The following LARP4B variants were observed in gnomAD, a reference collection of about 807,000 sequenced individuals.
LARP4B encodes the protein la-related protein 4B.
LARP4B carries 12 observed loss-of-function variants against 89.8 expected under a neutral mutation model. The ratio of observed to expected loss-of-function variants is 0.13; its 90% CI spans 0.09 to 0.22. LARP4B has a LOEUF of 0.22. LARP4B is among the 10% of genes least tolerant of loss of function. The pLI, the probability that LARP4B is intolerant of heterozygous loss-of-function variation, is 1.00. For synonymous variants in LARP4B, 367 were observed against 363.3 expected (o/e 1.01, Z -0.12); for missense variants, 757 against 947.7 (o/e 0.80, Z 2.64).
chr10:892,143 G>A (rs963086672), intron 1 of LARP4B, among the ~76,000 whole-genome samples: 9 of 152,222 alleles, frequency 5.9e-5, no homozygotes, highest in Non-Finnish European at 2.9e-5. Context: ...GGCGGGCTCC[G>A]CACTCGCCAG....
upstream of LARP4B, among the ~76,000 whole-genome samples, chr10:936,775 G>C (rs1830752994): frequency 6.6e-6 from 1 of 152,120 alleles, no homozygotes; most frequent in East Asian, 1.9e-4. Context: ...AAGACCCTTA[G>C]AAGGTTTTGC....
At chr10:944,457 C>G in the LARP4B span, among the ~76,000 whole-genome samples, 75 of 152,316 alleles carry the variant, frequency 4.9e-4, no homozygotes, top group East Asian at 0.011. Flanking sequence ...CCAGCTCGCC[C>G]CTGCCCTGTC....
chr10:878,000 G>A (rs539309897), intron 3 of LARP4B, among the ~76,000 whole-genome samples: 1 of 152,318 alleles, frequency 6.6e-6, no homozygotes, highest in South Asian at 2.1e-4. Context: ...AGGTGAGGCC[G>A]AGACTGAGAA....
intron 11 of LARP4B, among the ~76,000 whole-genome samples, chr10:826,419 T>C (rs1269397267): frequency 6.6e-6 from 1 of 152,172 alleles, no homozygotes; most frequent in Non-Finnish European, 1.5e-5. Flanking sequence ...AAGGTAAGTA[T>C]GGCATGCAAA....
chr10:917,634 C>G (rs1836858171), intron 1 of LARP4B, among the ~76,000 whole-genome samples: 2 of 152,186 alleles, frequency 1.3e-5, no homozygotes, highest in South Asian at 4.1e-4. Flanking sequence ...TACTTTCTGA[C>G]AAGCCCAGGA....
At chr10:835,211 C>T (rs957954613) in intron 8 of LARP4B, among the ~76,000 whole-genome samples, 2 of 152,118 alleles carry the variant, frequency 1.3e-5, no homozygotes, top group Non-Finnish European at 2.9e-5. Flanking sequence ...AGAATAAGAC[C>T]ATACTTCTAT....
At chr10:872,356 C>A (rs1835257213) in intron 3 of LARP4B, among the ~76,000 whole-genome samples, 1 of 152,218 alleles carries the variant, frequency 6.6e-6, no homozygotes, top group Non-Finnish European at 1.5e-5. Flanking sequence ...CCGCCCCTGA[C>A]ATGGCACGCG....
At chr10:834,847 C>A (rs578262042) in intron 8 of LARP4B, among the ~76,000 whole-genome samples, 11 of 152,118 alleles carry the variant, frequency 7.2e-5, no homozygotes, top group Non-Finnish European at 1.5e-4. Context: ...CCAAATTAAT[C>A]ATAAGAAATA....
chr10:842,659 A>G (rs953096134), intron 7 of LARP4B, among the ~76,000 whole-genome samples: 1 of 152,224 alleles, frequency 6.6e-6, no homozygotes, highest in African/African-American at 2.4e-5. Context: ...TGAAACAGCT[A>G]TCTTTAAAAT....
intron 1 of LARP4B, among the ~76,000 whole-genome samples, chr10:922,255 G>A (rs926706665): frequency 1.3e-5 from 2 of 152,164 alleles, no homozygotes; most frequent in African/African-American, 4.8e-5. Flanking sequence ...AGAGGAGGTG[G>A]AGCTCAGGCA....
intron 1 of LARP4B, among the ~76,000 whole-genome samples, chr10:892,562 T>C (rs1024056550): frequency 6.6e-6 from 1 of 152,014 alleles, no homozygotes; most frequent in Admixed American, 6.6e-5. Flanking sequence ...TTTTTTGAGA[T>C]AGAGTATCGC....
At chr10:817,970 A>T in intron 14 of LARP4B, 81 bp from the exon 15 acceptor site, 2 of 1,362,930 alleles carry the variant, frequency 1.5e-6, no homozygotes, top group South Asian at 2.7e-5. Flanking sequence ...TGTCTGGAAA[A>T]TATCTGTAGA....
rs539224587 is a variant in LARP4B at position 873,011 on chromosome 10, A to C, written c.142-8741T>G. On this transcript the variant is annotated intron_variant, in intron 3 of 17. Transcript: ENST00000316157. Reference sequence around the variant, plus strand: ...AGTACGGTGAACCTCCTCACCTTTGACGGTATCAAATAATGAAGACAAAGT... The same window carrying C: ...AGTACGGTGAACCTCCTCACCTTTGCCGGTATCAAATAATGAAGACAAAGT... The C allele has an allele frequency of 5.9e-4, 585 of 984,960 alleles. 1 individual carries two copies. In the Middle Eastern group the frequency reaches 7.3e-3, roughly 12 times the overall value. 61.0% of individuals were successfully genotyped at this position (984,960 alleles called of 1,614,324 possible).
intron 1 of LARP4B, among the ~76,000 whole-genome samples, chr10:926,593 G>A (rs1007439010): frequency 4.6e-5 from 7 of 152,188 alleles, no homozygotes; most frequent in African/African-American, 7.2e-5. Context: ...GCTACAGTGC[G>A]ACTAAAATGA....
At chr10:850,520 A>G (rs2131774423) in intron 5 of LARP4B, among the ~76,000 whole-genome samples, 1 of 152,344 alleles carries the variant, frequency 6.6e-6, no homozygotes, top group African/African-American at 2.4e-5. Context: ...AAACAGACAA[A>G]TGCAAAAATT....
chr10:885,579 A>C, intron 2 of LARP4B, 62 bp downstream of exon 2: 1 of 1,233,708 alleles, frequency 8.1e-7, no homozygotes, highest in Non-Finnish European at 1.2e-6. Flanking sequence ...ACTAACTCCA[A>C]TATAGAGTCC....
the LARP4B span, among the ~76,000 whole-genome samples, chr10:982,402 CTT>C: frequency 1.6e-4 from 25 of 152,154 alleles, no homozygotes; most frequent in African/African-American, 6.0e-4. Flanking sequence ...CAACCTATAA[CTT>C]TTTATATTTT....
the LARP4B span, among the ~76,000 whole-genome samples, chr10:967,040 G>A: frequency 2.6e-5 from 4 of 152,228 alleles, no homozygotes; most frequent in African/African-American, 4.8e-5. Flanking sequence ...AAGCCACAAA[G>A]ATCCTAACAG....
chr10:849,984 G>A (rs1052720448), intron 5 of LARP4B, among the ~76,000 whole-genome samples: 2 of 152,314 alleles, frequency 1.3e-5, no homozygotes, highest in East Asian at 1.9e-4. Flanking sequence ...GAAATATAAT[G>A]TGGTTCTCAG....
Sources: allele counts gnomAD v4.1 joint callset (sites outside exome capture counted in the v4.1 genomes callset), GRCh38; gene constraint gnomAD v4.1.1; transcripts MANE v1.5; gene names NCBI Gene and HGNC (gene_info 2026-07-23, HGNC 2026-07-21).